COL4A2: variants seen among roughly 807,000 people sequenced by gnomAD.
COL4A2 encodes the protein collagen type IV alpha 2 chain.
COL4A2 carries 99 observed loss-of-function variants against 200.2 expected under a neutral mutation model. The observed-to-expected ratio is 0.49, with a 90% CI of 0.42 to 0.58. COL4A2 has a LOEUF of 0.58. COL4A2 is among the 20% of genes least tolerant of loss of function. The pLI, the probability that COL4A2 is intolerant of heterozygous loss-of-function variation, is 0.00. For missense variants in COL4A2, 1,950 were observed against 2,314.1 expected, an observed-to-expected ratio of 0.84 and a Z score of 3.23; for synonymous variants, 897 against 900.6, an observed-to-expected ratio of 1.00 and a Z score of 0.07.
Position 110,466,199 on chromosome 13 carries a change from T to G in COL4A2, c.2038+137T>G, listed in dbSNP as rs1927350. Reference sequence around the variant, plus strand: ...CACGTTTGATTTCCATGGCACAACATAGTGGCCTGGTGAGCACTATACATT... The same window carrying G: ...CACGTTTGATTTCCATGGCACAACAGAGTGGCCTGGTGAGCACTATACATT... On this transcript the variant is annotated intron_variant, in intron 26 of 47. Coordinates refer to ENST00000360467, the MANE Select transcript of COL4A2 (RefSeq NM_001846.4). 570,316 of 988,302 alleles carry G rather than the reference T, an allele frequency of 0.58. 170,331 individuals carry two copies. Among genetic ancestry groups the G allele is most frequent in the African/African-American group, 0.71 (43,953 of 61,628 alleles). The allele number at this position is 988,302 out of a possible 1,614,324, so 61.2% of individuals were successfully genotyped here.
chr13:110,430,531 CT>C lies in COL4A2; in HGVS notation c.586-13del. ...TACCTCTCTTAAAAACATTCTCCCG[CT>C]GCCTATCCATAGGGACCTCCCGGCC... On this transcript the variant is annotated splice_polypyrimidine_tract_variant and intron_variant, in intron 9 of 47. Transcript: ENST00000360467. 1 of 1,614,224 alleles carries C rather than the reference CT, an allele frequency of 6.2e-7. No individual in the cohort carries two copies. Among genetic ancestry groups the C allele is most frequent in the Non-Finnish European group, 8.5e-7 (1 of 1,180,042 alleles).
intron 18 of COL4A2, 101 bp from the exon 19 acceptor site, chr13:110,449,578 A>C: frequency 8.7e-7 from 1 of 1,144,792 alleles, no homozygotes; most frequent in Non-Finnish European, 1.2e-6. Context: ...CATACAGCAT[A>C]TGGAGCATTT....
intron 4 of COL4A2, among the ~76,000 whole-genome samples, chr13:110,359,729 A>T (rs1357473966): frequency 6.6e-6 from 1 of 152,136 alleles, no homozygotes; most frequent in African/African-American, 2.4e-5. Flanking sequence ...ACAAAATCAA[A>T]TGGGCACAGT....
At chr13:110,359,125 T>C (rs1283717336) in intron 4 of COL4A2, among the ~76,000 whole-genome samples, 7 of 152,180 alleles carry the variant, frequency 4.6e-5, no homozygotes, top group Non-Finnish European at 1.0e-4. Flanking sequence ...AAATATTTAC[T>C]CCCTGAATGT....
intron 22 of COL4A2, among the ~76,000 whole-genome samples, chr13:110,461,543 CAG>C (rs1185431999): frequency 2.0e-5 from 3 of 152,194 alleles, no homozygotes; most frequent in African/African-American, 4.8e-5. Flanking sequence ...TTTTTGGAGA[CAG>C]AGTCTCACTT....
intron 4 of COL4A2, among the ~76,000 whole-genome samples, chr13:110,387,332 T>C (rs1296232601): frequency 6.6e-6 from 1 of 152,172 alleles, no homozygotes; most frequent in South Asian, 2.1e-4. Flanking sequence ...TGGAAGGAAA[T>C]AGCCTTGCCG....
At position 110,450,395 on chromosome 13, in the gene COL4A2, C is replaced by G. The variant is rs780436805; in HGVS notation, c.1280C>G (p.Pro427Arg). The change falls in exon 20 of 48, where the codon CCT becomes CGT. Residue 427 changes from proline (P) to arginine (R), a missense_variant. Physicochemically the swap from Pro to Arg is moderately radical, Grantham distance 103 (BLOSUM62 -2). Transcript: ENST00000360467. ...GCGCTCTACGGGGGCCCACCTGGAC[C>G]TGATGGAAAGCGAGGGCCTCCAGGA... ...IPALYGGPPG[P>R]DGKRGPPGPP... 1 of 1,614,078 alleles carries G rather than the reference C, an allele frequency of 6.2e-7. No individual in the cohort carries two copies. The highest frequency in any genetic ancestry group is 1.1e-5 in the South Asian group (1 of 91,090).
At position 110,479,991 on chromosome 13, in the gene COL4A2, G is replaced by C. The variant is rs559211860; in HGVS notation, c.2588-229G>C. Among the ~76,000 whole-genome samples the C allele has an allele frequency of 2.3e-5, 3 of 133,280 alleles. No homozygotes were observed. In the South Asian group the frequency reaches 8.1e-4, roughly 36 times the overall value. The allele number at this position is 133,280 out of a possible 152,430, so 87.4% of individuals were successfully genotyped here. The stretch of plus-strand genomic sequence containing the variant: ...AGACTGCAGTGGGAAAGCCATGCTG[G>C]CTGGCACCCCGCCAGCACAGCCTCA... On this transcript the variant is annotated intron_variant, in intron 30 of 47. Transcript: ENST00000360467.
intron 45 of COL4A2, 22 bp downstream of exon 45, chr13:110,504,286 C>G: frequency 6.3e-7 from 1 of 1,576,094 alleles, no homozygotes; most frequent in Non-Finnish European, 8.7e-7. Flanking sequence ...TGGGGAAGGA[C>G]CTTCCCAGGT....
intron 4 of COL4A2, among the ~76,000 whole-genome samples, chr13:110,364,479 G>A (rs1265969837): frequency 4.6e-5 from 7 of 152,128 alleles, no homozygotes; most frequent in African/African-American, 1.4e-4. Context: ...CCAGAAATTC[G>A]TAATTGCTTC....
intron 20 of COL4A2, among the ~76,000 whole-genome samples, chr13:110,453,135 G>A (rs1203314759): frequency 2.0e-5 from 3 of 152,150 alleles, no homozygotes; most frequent in African/African-American, 7.2e-5. Flanking sequence ...TATTTCCTAA[G>A]CAAATGGTAT....
intron 3 of COL4A2, among the ~76,000 whole-genome samples, chr13:110,345,683 G>A (rs924284626): frequency 6.6e-6 from 1 of 152,200 alleles, no homozygotes; most frequent in African/African-American, 2.4e-5. Flanking sequence ...ACAGCCATTA[G>A]TGATTTACAA....
chr13:110,510,369 G>T (rs2139562706), intron 47 of COL4A2, among the ~76,000 whole-genome samples: 1 of 152,352 alleles, frequency 6.6e-6, no homozygotes, highest in East Asian at 1.9e-4. Context: ...TCTGGCAGAG[G>T]CTACAAGTAT....
chr13:110,428,881 T>A, intron 7 of COL4A2: 1 of 286,910 alleles, frequency 3.5e-6, no homozygotes, highest in Non-Finnish European at 6.4e-6. Flanking sequence ...ATTAAAAAGC[T>A]GAAACCTTGA....
chr13:110,467,349 G>A (rs1219268596), intron 27 of COL4A2, among the ~76,000 whole-genome samples: 4 of 152,224 alleles, frequency 2.6e-5, no homozygotes, highest in Non-Finnish European at 5.9e-5. Context: ...TGGCTGCAGG[G>A]GAACGCCCCC....
chr13:110,363,466 C>CGAG (rs1465195767), intron 4 of COL4A2, among the ~76,000 whole-genome samples: 1 of 152,152 alleles, frequency 6.6e-6, no homozygotes, highest in African/African-American at 2.4e-5. Flanking sequence ...CAGAGAGAAA[C>CGAG]TGAGCAAAAA....
chr13:110,445,887 G>A lies in COL4A2; in HGVS notation c.1011+5G>A, dbSNP rs1322398706. 1.9e-6 allele frequency: 3 copies of A among 1,614,150 alleles called. No individual in the cohort carries two copies. The highest frequency in any genetic ancestry group is 2.5e-6 in the Non-Finnish European group (3 of 1,180,006). The stretch of plus-strand genomic sequence containing the variant: ...GATGGACCCCGGGGACCCAAGGTGA[G>A]CCCGTTTCTCATGTCTTTGCCACTT... On this transcript the variant is annotated splice_donor_5th_base_variant and intron_variant, in intron 17 of 47. Transcript: ENST00000360467.
intron 6 of COL4A2, among the ~76,000 whole-genome samples, chr13:110,425,857 G>T (rs1375035985): frequency 6.6e-6 from 1 of 152,214 alleles, no homozygotes; most frequent in East Asian, 1.9e-4. Flanking sequence ...CAGTGCCAGA[G>T]AACTCATGCG....
At chr13:110,501,816 A>G in intron 41 of COL4A2, 32 bp downstream of exon 41, 1 of 1,592,746 alleles carries the variant, frequency 6.3e-7, no homozygotes, top group Non-Finnish European at 8.6e-7. Flanking sequence ...GTGCTTCGAC[A>G]TCTCTAGGGG....
Sources: allele counts gnomAD v4.1 joint callset (sites outside exome capture counted in the v4.1 genomes callset), GRCh38; gene constraint gnomAD v4.1.1; transcripts MANE v1.5; gene names NCBI Gene and HGNC (gene_info 2026-07-23, HGNC 2026-07-21).